OSBPL10: variants seen among roughly 807,000 people sequenced by gnomAD.
The protein encoded by OSBPL10 is oxysterol binding protein like 10, also known as oxysterol-binding protein-related protein 10.
In OSBPL10, 49 loss-of-function variants were observed where a neutral mutation model predicts 81.7. The ratio of observed to expected loss-of-function variants is 0.60; its 90% CI spans 0.48 to 0.76. The LOEUF (loss-of-function observed/expected upper bound fraction) is 0.76. Ranked by LOEUF, OSBPL10 falls within the 30% of genes least tolerant of loss-of-function variation. The probability of loss-of-function intolerance (pLI) is 0.00; values close to 1 mark genes in which losing one functional copy is unlikely to be tolerated. For missense variants in OSBPL10, 923 were observed against 987.8 expected, an observed-to-expected ratio of 0.93 and a Z score of 0.88; for synonymous variants, 419 against 383.6, an observed-to-expected ratio of 1.09 and a Z score of -1.08.
intron 4 of OSBPL10, among the ~76,000 whole-genome samples, chr3:31,756,862 A>C (rs1193734422): frequency 6.6e-6 from 1 of 152,230 alleles, no homozygotes; most frequent in Non-Finnish European, 1.5e-5. Flanking sequence ...TTACTATTGC[A>C]GGCCGCAGGC....
intron 4 of OSBPL10, among the ~76,000 whole-genome samples, chr3:31,811,573 AG>A (rs1699682635): frequency 6.6e-6 from 1 of 152,244 alleles, no homozygotes; most frequent in Non-Finnish European, 1.5e-5. Context: ...GACAGGAAAA[AG>A]AAACAGTTCC....
intron 1 of OSBPL10, among the ~76,000 whole-genome samples, chr3:31,908,882 T>G (rs962773391): frequency 1.3e-5 from 2 of 152,236 alleles, no homozygotes; most frequent in Non-Finnish European, 2.9e-5. Flanking sequence ...ATTGTTTTAT[T>G]TGGCTTTCAC....
chr3:31,683,633 C>T lies in OSBPL10; in HGVS notation c.1726+1G>A. 1 of 1,606,108 alleles carries T rather than the reference C, an allele frequency of 6.2e-7. No individual in the cohort carries two copies. Among genetic ancestry groups the T allele is most frequent in the Non-Finnish European group, 8.5e-7 (1 of 1,173,550 alleles). On this transcript the variant is annotated splice_donor_variant, in intron 8 of 11. Transcript: ENST00000396556. LOFTEE classifies it high-confidence loss of function. ...AAACTCCAACATACGACATGGCTTA[C>T]CTTCCCCTATCATAGAGACCCCCAC...
chr3:31,999,141 C>T (rs964774153), intron 2 of OSBPL10, among the ~76,000 whole-genome samples: 2 of 152,168 alleles, frequency 1.3e-5, no homozygotes, highest in Non-Finnish European at 2.9e-5. Flanking sequence ...CCTCTGCTGT[C>T]TGGAGGGCAT....
At chr3:32,040,617 G>T (rs903260059) in intron 2 of OSBPL10, among the ~76,000 whole-genome samples, 13 of 151,458 alleles carry the variant, frequency 8.6e-5, no homozygotes, top group African/African-American at 2.7e-4. Context: ...GGGAGGATCA[G>T]TTGAGGCCAG....
intron 7 of OSBPL10, chr3:31,701,971 T>A (rs1022561343): frequency 1.4e-4 from 24 of 168,650 alleles, no homozygotes; most frequent in Non-Finnish European, 2.9e-4. Flanking sequence ...CCCTTCCCCA[T>A]CTTTTCCCTC....
intron 1 of OSBPL10, among the ~76,000 whole-genome samples, chr3:31,934,340 GA>G (rs1436953518): frequency 6.7e-6 from 1 of 149,772 alleles, no homozygotes; most frequent in Non-Finnish European, 1.5e-5. Flanking sequence ...TCTGTGTGGG[GA>G]AAAGGCAAAG....
intron 3 of OSBPL10, among the ~76,000 whole-genome samples, chr3:31,853,703 C>A (rs1191392592): frequency 6.6e-6 from 1 of 152,186 alleles, no homozygotes; most frequent in Non-Finnish European, 1.5e-5. Context: ...GGCTGAGACA[C>A]GTCAGCTCAC....
intron 1 of OSBPL10, among the ~76,000 whole-genome samples, chr3:31,946,260 G>A (rs527879877): frequency 6.6e-6 from 1 of 152,078 alleles, no homozygotes; most frequent in South Asian, 2.1e-4. Context: ...AATTATAGGC[G>A]TGAGCCACTG....
chr3:32,012,957 C>T (rs902424430), intron 2 of OSBPL10, among the ~76,000 whole-genome samples: 4 of 152,082 alleles, frequency 2.6e-5, no homozygotes, highest in Admixed American at 2.6e-4. Context: ...TCCTTAGAGA[C>T]CTACAAAGAG....
chr3:31,943,317 T>C (rs1435794437), intron 1 of OSBPL10, among the ~76,000 whole-genome samples: 1 of 152,230 alleles, frequency 6.6e-6, no homozygotes, highest in Non-Finnish European at 1.5e-5. Context: ...ACAATGAACC[T>C]TGCCATACAA....
At chr3:32,047,608 G>T (rs774748682) in intron 1 of OSBPL10, among the ~76,000 whole-genome samples, 1 of 151,920 alleles carries the variant, frequency 6.6e-6, no homozygotes, top group Non-Finnish European at 1.5e-5. Context: ...CACTTTTGTC[G>T]CCATCTTGGT....
chr3:31,720,881 C>CAAAAAAAAAAAAAAAAAAAAAA (rs61492992), intron 6 of OSBPL10, among the ~76,000 whole-genome samples: 1 of 66,308 alleles, frequency 1.5e-5, no homozygotes, highest in Non-Finnish European at 2.9e-5. Context: ...GACTCTGTCT[C>CAAAAAAAAAAAAAAAAAAAAAA]AAAAAAAAAA....
chr3:31,990,180 G>T (rs1455192178), intron 2 of OSBPL10: 1 of 1,613,940 alleles, frequency 6.2e-7, no homozygotes, highest in South Asian at 1.1e-5. Context: ...ACACTGGAGA[G>T]AAACCTTACA....
chr3:31,806,293 G>C lies in OSBPL10; in HGVS notation c.729+23747C>G, dbSNP rs77228423. Among the ~76,000 whole-genome samples, 192 of 152,320 alleles carry C rather than the reference G, an allele frequency of 1.3e-3. 1 individual carries two copies. The highest frequency in any genetic ancestry group is 4.5e-3 in the African/African-American group (187 of 41,564). ...TGCCAGAAGTTGAAGTCAGGGACTT[G>C]TGTCCAAATCACCATTTTCCTACTT... On this transcript the variant is annotated intron_variant, in intron 4 of 11. Transcript: ENST00000396556.
At chr3:31,965,780 A>C (rs1484926540) in intron 1 of OSBPL10, among the ~76,000 whole-genome samples, 1 of 73,206 alleles carries the variant, frequency 1.4e-5, no homozygotes. Context: ...TATATATTAT[A>C]TAAATAGATA....
chr3:31,852,409 C>CA (rs1700792960), intron 3 of OSBPL10, among the ~76,000 whole-genome samples: 1 of 152,060 alleles, frequency 6.6e-6, no homozygotes, highest in Non-Finnish European at 1.5e-5. Context: ...ATTATCCAGC[C>CA]AAAAATGTCA....
At chr3:31,980,774 C>CA in intron 1 of OSBPL10, 125 bp downstream of exon 1, 1 of 1,240,242 alleles carries the variant, frequency 8.1e-7, no homozygotes, top group Non-Finnish European at 1.0e-6. Flanking sequence ...TGGGAGGCAT[C>CA]ACTGGGTTCG....
chr3:31,720,491 G>C (rs1222564367), intron 6 of OSBPL10, among the ~76,000 whole-genome samples: 5 of 152,184 alleles, frequency 3.3e-5, no homozygotes, highest in East Asian at 1.9e-4. Flanking sequence ...AGGAGCAATA[G>C]AACAACTTGC....
Sources: allele counts gnomAD v4.1 joint callset (sites outside exome capture counted in the v4.1 genomes callset), GRCh38; gene constraint gnomAD v4.1.1; transcripts MANE v1.5; gene names NCBI Gene and HGNC (gene_info 2026-07-23, HGNC 2026-07-21).